CNNM2: variants seen among roughly 807,000 people sequenced by gnomAD.
CNNM2 encodes the protein cyclin and CBS domain divalent metal cation transport mediator 2, also known as metal transporter CNNM2.
In CNNM2, 12 loss-of-function variants were observed where a neutral mutation model predicts 66.9. The ratio of observed to expected loss-of-function variants is 0.18; its 90% CI spans 0.11 to 0.29. CNNM2 has a LOEUF of 0.29. CNNM2 is among the 10% of genes least tolerant of loss of function. The pLI, the probability that CNNM2 is intolerant of heterozygous loss-of-function variation, is 1.00. For missense variants in CNNM2, 705 were observed against 1,167.7 expected, an observed-to-expected ratio of 0.60 and a Z score of 5.77; for synonymous variants, 557 against 501.8, an observed-to-expected ratio of 1.11 and a Z score of -1.47.
At chr10:102,979,901 A>G (rs1355132291) in intron 1 of CNNM2, among the ~76,000 whole-genome samples, 1 of 151,322 alleles carries the variant, frequency 6.6e-6, no homozygotes, top group East Asian at 2.0e-4. Flanking sequence ...GTTCTCTTCC[A>G]TCTCTTTCTT....
At chr10:102,964,099 A>G (rs1420747051) in intron 1 of CNNM2, among the ~76,000 whole-genome samples, 1 of 152,226 alleles carries the variant, frequency 6.6e-6, no homozygotes, top group Non-Finnish European at 1.5e-5. Flanking sequence ...TTCAAAAAAT[A>G]GTCTACAAAT....
Position 102,918,543 on chromosome 10 carries a change from A to G in CNNM2, c.63A>G (p.Ala21=), listed in dbSNP as rs777218731. The G allele has an allele frequency of 6.2e-7, 1 of 1,601,808 alleles. No homozygotes were observed. The highest frequency in any genetic ancestry group is 1.7e-5 in the Admixed American group (1 of 59,108). Residue 21 remains alanine (A), a synonymous_variant, in exon 1 of 8, where the codon GCA becomes GCG. Transcript: ENST00000369878. The surrounding 1 kb of genome is among the most constrained non-coding windows in gnomAD (Gnocchi z 4.1). ...TGGCGGGCGGGCAGGCAGCCGCCGC[A>G]CTGCCCACTTGGAAGATGGCGGCGC... ...VKMAGGQAAA[A]LPTWKMAARR...
At chr10:102,950,839 TAA>T (rs1846798849) in intron 1 of CNNM2, among the ~76,000 whole-genome samples, 1 of 152,166 alleles carries the variant, frequency 6.6e-6, no homozygotes, top group Admixed American at 6.5e-5. Context: ...AATTGCAAGA[TAA>T]AAGTCACTTT....
chr10:102,984,912 G>T (rs1214311317), intron 1 of CNNM2, among the ~76,000 whole-genome samples: 1 of 152,070 alleles, frequency 6.6e-6, no homozygotes, highest in Non-Finnish European at 1.5e-5. Context: ...CTCCCAAAGG[G>T]CTGGGATTAT....
At chr10:102,964,152 AAATGT>A (rs1395476134) in intron 1 of CNNM2, among the ~76,000 whole-genome samples, 2 of 152,252 alleles carry the variant, frequency 1.3e-5, no homozygotes, top group African/African-American at 4.8e-5. Flanking sequence ...AACTTTAATG[AAATGT>A]AATTTTATGC....
intron 1 of CNNM2, among the ~76,000 whole-genome samples, chr10:103,022,801 G>A (rs950158307): frequency 3.9e-5 from 6 of 152,264 alleles, no homozygotes; most frequent in African/African-American, 1.2e-4. Flanking sequence ...ATCTGCTCCT[G>A]GTGAGGGTCT....
At chr10:103,004,687 A>G (rs2064191443) in intron 1 of CNNM2, among the ~76,000 whole-genome samples, 2 of 152,220 alleles carry the variant, frequency 1.3e-5, no homozygotes, top group African/African-American at 4.8e-5. Flanking sequence ...TGGTTTTCCA[A>G]AGTTACTGTC....
chr10:102,935,316 A>C (rs111424322), intron 1 of CNNM2, among the ~76,000 whole-genome samples: 1 of 151,684 alleles, frequency 6.6e-6, no homozygotes, highest in Non-Finnish European at 1.5e-5. Context: ...ATAAAAAGAA[A>C]ATGGGTGTGG....
chr10:102,977,767 G>A (rs1344767201), intron 1 of CNNM2, among the ~76,000 whole-genome samples: 1 of 152,146 alleles, frequency 6.6e-6, no homozygotes. Flanking sequence ...GTTGCAGTAA[G>A]CCAAGAGCGA....
At chr10:102,933,731 T>TA (rs1241810868) in intron 1 of CNNM2, among the ~76,000 whole-genome samples, 7 of 152,226 alleles carry the variant, frequency 4.6e-5, no homozygotes, top group African/African-American at 1.7e-4. Flanking sequence ...AGACAGGGTC[T>TA]CATTAGCACA....
intron 1 of CNNM2, among the ~76,000 whole-genome samples, chr10:102,998,853 T>A (rs2064054568): frequency 6.6e-6 from 1 of 152,110 alleles, no homozygotes; most frequent in Non-Finnish European, 1.5e-5. Context: ...CATTAATAAA[T>A]GAGTTCAGCA....
At chr10:102,932,278 G>T (rs966752953) in intron 1 of CNNM2, among the ~76,000 whole-genome samples, 1 of 151,042 alleles carries the variant, frequency 6.6e-6, no homozygotes, top group African/African-American at 2.4e-5. Context: ...TTGAATTCCT[G>T]GCCTCAACCG....
rs1039568628 is a variant in CNNM2 at position 102,949,625 on chromosome 10, A to G, written c.1621+29524A>G. 8.4e-4 allele frequency among the ~76,000 whole-genome samples: 128 copies of G among 152,024 alleles called. 2 individuals carry two copies. The highest frequency in any genetic ancestry group is 8.4e-3 in the Admixed American group (128 of 15,266). ...ATGGAGAAACCCCATCTCTACTGAGAAAATACTAAAAATACGCGCGTGGTG... is the reference window on the plus strand; with the variant it reads ...ATGGAGAAACCCCATCTCTACTGAGGAAATACTAAAAATACGCGCGTGGTG... On this transcript the variant is annotated intron_variant, in intron 1 of 7. Coordinates refer to ENST00000369878, the MANE Select transcript of CNNM2 (RefSeq NM_017649.5).
rs35159404 is a variant in CNNM2 at position 103,045,853 on chromosome 10, C to A, written c.1622-3854C>A. ...AGAAATGAGTTCTTACTATGTTGCC[C>A]AGGCTGGTCCCAAACTCCTGGCCTC... On this transcript the variant is annotated intron_variant, in intron 1 of 7. Transcript: ENST00000369878. Among the ~76,000 whole-genome samples, 15,885 of 152,094 alleles carry A rather than the reference C, an allele frequency of 0.1. 847 individuals carry two copies. The highest frequency in any genetic ancestry group is 0.18 in the Middle Eastern group (52 of 294).
intron 1 of CNNM2, among the ~76,000 whole-genome samples, chr10:102,942,299 T>C (rs1846462299): frequency 6.6e-6 from 1 of 152,222 alleles, no homozygotes; most frequent in Non-Finnish European, 1.5e-5. Context: ...TGAATCTCTA[T>C]ACCTATTAAA....
intron 1 of CNNM2, among the ~76,000 whole-genome samples, chr10:102,997,791 G>T (rs1279311547): frequency 6.6e-6 from 1 of 152,040 alleles, no homozygotes; most frequent in Non-Finnish European, 1.5e-5. Context: ...TTTTAATTTT[G>T]TTTGCAGTCC....
intron 1 of CNNM2, among the ~76,000 whole-genome samples, chr10:103,038,237 A>C (rs1391780641): frequency 3.3e-5 from 5 of 152,216 alleles, no homozygotes; most frequent in African/African-American, 1.2e-4. Context: ...ATAAAACTGT[A>C]AAATCTGAGA....
At position 103,090,097 on chromosome 10, in the gene CNNM2, A is replaced by G. The variant is rs933396068; in HGVS notation, c.*12917A>G. 2.1e-6 allele frequency: 1 copy of G among 475,808 alleles called. No individual in the cohort carries two copies. Among genetic ancestry groups the G allele is most frequent in the Non-Finnish European group, 3.7e-6 (1 of 273,796 alleles). 29.5% of individuals were successfully genotyped at this position (475,808 alleles called of 1,614,324 possible). ...TGTCTTCCTCTCTCCCTGCCCCTCAAAATGGTGCCCATATTGTCTACTGCA... is the reference window on the plus strand; with the variant it reads ...TGTCTTCCTCTCTCCCTGCCCCTCAGAATGGTGCCCATATTGTCTACTGCA... On this transcript the variant is annotated 3_prime_UTR_variant, in exon 8 of 8. Transcript: ENST00000369878.
intron 1 of CNNM2, among the ~76,000 whole-genome samples, chr10:102,933,353 T>G (rs1426463717): frequency 6.6e-6 from 1 of 152,240 alleles, no homozygotes; most frequent in African/African-American, 2.4e-5. Flanking sequence ...TTTGTTAAAC[T>G]TATTCCTAAG....
Sources: allele counts gnomAD v4.1 joint callset (sites outside exome capture counted in the v4.1 genomes callset), GRCh38; gene constraint gnomAD v4.1.1; non-coding constraint Gnocchi (gnomAD v3.1); transcripts MANE v1.5; gene names NCBI Gene and HGNC (gene_info 2026-07-23, HGNC 2026-07-21).